The following INTS9 variants were observed in gnomAD, a reference collection of about 807,000 sequenced individuals.
INTS9 encodes protein related to CPSF subunits of 74 kDa.
In INTS9, 55 loss-of-function variants were observed where a neutral mutation model predicts 79.7. That is an observed-to-expected ratio of 0.69 (90% CI 0.56 to 0.86). The LOEUF is 0.86. Ranked by LOEUF, INTS9 falls within the 40% of genes least tolerant of loss-of-function variation. The pLI is 0.00. For synonymous variants in INTS9, 319 were observed against 325.2 expected (o/e 0.98, Z 0.20); for missense variants, 721 against 831.5 (o/e 0.87, Z 1.64).
chr8:28,812,809 C>T (rs1321119480), intron 7 of INTS9, among the ~76,000 whole-genome samples: 1 of 152,204 alleles, frequency 6.6e-6, no homozygotes, highest in African/African-American at 2.4e-5. Context: ...CATGTTTGTA[C>T]CACTGCGCTC....
intron 1 of INTS9, among the ~76,000 whole-genome samples, chr8:28,876,072 T>TG (rs1486434442): frequency 1.3e-5 from 2 of 152,128 alleles, no homozygotes; most frequent in African/African-American, 2.4e-5. Flanking sequence ...GATTTTTTTT[T>TG]GGGGGGTGTG....
intron 1 of INTS9, among the ~76,000 whole-genome samples, chr8:28,868,422 G>A (rs1808881468): frequency 6.6e-6 from 1 of 152,116 alleles, no homozygotes; most frequent in Non-Finnish European, 1.5e-5. Context: ...ACTCTCGCTT[G>A]AGAGAACTGC....
chr8:28,883,249 C>T (rs963330475), intron 1 of INTS9, among the ~76,000 whole-genome samples: 1 of 152,224 alleles, frequency 6.6e-6, no homozygotes, highest in African/African-American at 2.4e-5. Context: ...CAAAGCAACA[C>T]CATAGATCTT....
chr8:28,830,701 G>C (rs926182839), intron 6 of INTS9, among the ~76,000 whole-genome samples: 3 of 151,404 alleles, frequency 2.0e-5, no homozygotes, highest in African/African-American at 7.3e-5. Flanking sequence ...GTTTATCTAG[G>C]AGAAAAAGAG....
At chr8:28,769,717 G>A in intron 16 of INTS9, 172 bp downstream of exon 16, 1 of 786,720 alleles carries the variant, frequency 1.3e-6, no homozygotes, top group Non-Finnish European at 2.0e-6. Flanking sequence ...TCCTCACTCT[G>A]CTTTCTTTCT....
intron 6 of INTS9, 73 bp downstream of exon 6, chr8:28,835,219 G>T: frequency 1.1e-6 from 1 of 928,314 alleles, no homozygotes; most frequent in Non-Finnish European, 1.7e-6. Flanking sequence ...CATAGAGGAA[G>T]AAATCAAATG....
At chr8:28,828,297 T>C (rs1806268491) in intron 6 of INTS9, among the ~76,000 whole-genome samples, 1 of 152,172 alleles carries the variant, frequency 6.6e-6, no homozygotes, top group South Asian at 2.1e-4. Flanking sequence ...TGTCTGAAAG[T>C]AAATTAGGCT....
chr8:28,859,433 T>A lies in INTS9; in HGVS notation c.137+3A>T. 1 of 1,614,072 alleles carries A rather than the reference T, an allele frequency of 6.2e-7. No individual in the cohort carries two copies. The highest frequency in any genetic ancestry group is 8.5e-7 in the Non-Finnish European group (1 of 1,179,942). On this transcript the variant is annotated splice_donor_region_variant and intron_variant, in intron 2 of 16. Coordinates refer to ENST00000521022, the MANE Select transcript of INTS9 (RefSeq NM_018250.4). The stretch of plus-strand genomic sequence containing the variant: ...TTTTGTCTTTGGCTGCACCAGCACA[T>A]ACCTTTGAACAAGTGGCAAAGGAAG...
At chr8:28,838,248 T>C (rs1448447582) in intron 4 of INTS9, among the ~76,000 whole-genome samples, 1 of 151,998 alleles carries the variant, frequency 6.6e-6, no homozygotes, top group Non-Finnish European at 1.5e-5. Context: ...TGTTTTGCTT[T>C]TTTTTTTCTT....
intron 1 of INTS9, among the ~76,000 whole-genome samples, chr8:28,885,388 A>G (rs533359081): frequency 6.6e-6 from 1 of 152,348 alleles, no homozygotes; most frequent in East Asian, 1.9e-4. Context: ...CCAAAGGATT[A>G]ACATTAATCT....
chr8:28,866,899 C>T (rs1181322145), intron 1 of INTS9, among the ~76,000 whole-genome samples: 5 of 151,960 alleles, frequency 3.3e-5, no homozygotes, highest in South Asian at 4.1e-4. Flanking sequence ...GGTGTGAACC[C>T]GGGAGGCAGA....
At chr8:28,886,036 A>G (rs571946610) in intron 1 of INTS9, among the ~76,000 whole-genome samples, 47 of 152,226 alleles carry the variant, frequency 3.1e-4, no homozygotes, top group Admixed American at 9.8e-4. Context: ...AATGGCATCC[A>G]TTGTTTTCAT....
intron 7 of INTS9, 61 bp downstream of exon 7, chr8:28,813,431 A>G: frequency 6.5e-7 from 1 of 1,535,038 alleles, no homozygotes; most frequent in African/African-American, 1.4e-5. Context: ...CTTCCAAACA[A>G]CAAACAACAA....
intron 1 of INTS9, among the ~76,000 whole-genome samples, chr8:28,864,996 A>T (rs927037453): frequency 2.6e-5 from 4 of 152,054 alleles, no homozygotes; most frequent in African/African-American, 9.7e-5. Context: ...AAAAAAAAAA[A>T]AAAAACAAAG....
intron 10 of INTS9, among the ~76,000 whole-genome samples, chr8:28,791,521 G>A (rs1803918654): frequency 6.6e-6 from 1 of 152,136 alleles, no homozygotes; most frequent in African/African-American, 2.4e-5. Context: ...GCTGATTCTT[G>A]GTTATTCTTC....
chr8:28,783,093 C>T lies in INTS9; in HGVS notation c.1099-2099G>A, dbSNP rs576167671. 5.9e-3 allele frequency among the ~76,000 whole-genome samples: 842 copies of T among 142,804 alleles called. 7 individuals are homozygous for T. The highest frequency in any genetic ancestry group is 0.023 in the African/African-American group (814 of 36,128). 93.7% of individuals were successfully genotyped at this position (142,804 alleles called of 152,430 possible). ...CCAGGAGGCGGAGCTTGCAGTGAGC[C>T]GAGATGGCGCCACTGCACTCCAGCC... On this transcript the variant is annotated intron_variant, in intron 11 of 16. Transcript: ENST00000521022.
At chr8:28,884,147 A>C (rs1371229488) in intron 1 of INTS9, among the ~76,000 whole-genome samples, 1 of 142,446 alleles carries the variant, frequency 7.0e-6, no homozygotes, top group African/African-American at 2.6e-5. Flanking sequence ...TACTACTACC[A>C]AAAGTCTGTC....
chr8:28,770,831 C>G (rs1247512778), intron 15 of INTS9, 151 bp downstream of exon 15: 1 of 661,636 alleles, frequency 1.5e-6, no homozygotes, highest in Non-Finnish European at 2.6e-6. Flanking sequence ...GGCCTCATCT[C>G]TGGGCACAGC....
At chr8:28,882,599 G>A (rs1164167548) in intron 1 of INTS9, among the ~76,000 whole-genome samples, 5 of 142,990 alleles carry the variant, frequency 3.5e-5, no homozygotes, top group Admixed American at 1.4e-4. Flanking sequence ...AAGAGACTCT[G>A]ATTAAGCCAT....
Sources: allele counts gnomAD v4.1 joint callset (sites outside exome capture counted in the v4.1 genomes callset), GRCh38; gene constraint gnomAD v4.1.1; transcripts MANE v1.5; gene names NCBI Gene and HGNC (gene_info 2026-07-23, HGNC 2026-07-21).